The following KCNN2 variants were observed in gnomAD, a reference collection of about 807,000 sequenced individuals.
The protein encoded by KCNN2 is small conductance calcium-activated potassium channel protein 2.
In KCNN2, 24 loss-of-function variants were observed where a neutral mutation model predicts 55.5. The ratio of observed to expected loss-of-function variants is 0.43; its 90% CI spans 0.31 to 0.61. The LOEUF (loss-of-function observed/expected upper bound fraction) is 0.61. Among genes scored for constraint, KCNN2 ranks in the 20% least tolerant of loss-of-function variants. The pLI, the probability that KCNN2 is intolerant of heterozygous loss-of-function variation, is 0.08. For missense variants in KCNN2, 754 were observed against 853.6 expected (o/e 0.88, Z 1.45); for synonymous variants, 431 against 336.1 (o/e 1.28, Z -3.09).
At chr5:114,443,892 C>A (rs1158187689) in intron 3 of KCNN2, among the ~76,000 whole-genome samples, 2 of 152,180 alleles carry the variant, frequency 1.3e-5, no homozygotes, top group Non-Finnish European at 2.9e-5. Flanking sequence ...GAAGAAGTGT[C>A]AGGAAAGGTG....
At position 114,493,275 on chromosome 5, in the gene KCNN2, T is replaced by G. The variant is rs1747949572; in HGVS notation, c.2019-128T>G. On this transcript the variant is annotated intron_variant, in intron 6 of 7. Coordinates refer to ENST00000673685, the MANE Select transcript of KCNN2 (RefSeq NM_021614.4). ...ACCAGACACATAACCAGTTTGGACTTACCCCAAATGTTCAAGGCATTATCC... is the reference window on the plus strand; with the variant it reads ...ACCAGACACATAACCAGTTTGGACTGACCCCAAATGTTCAAGGCATTATCC... 4.0e-6 allele frequency: 3 copies of G among 746,954 alleles called. No individual in the cohort carries two copies. In the South Asian group the frequency reaches 4.3e-5, roughly 11 times the overall value. The allele number at this position is 746,954 out of a possible 1,614,324, so 46.3% of individuals were successfully genotyped here.
chr5:114,084,603 C>A (rs1414915638), intron 1 of KCNN2, among the ~76,000 whole-genome samples: 2 of 151,578 alleles, frequency 1.3e-5, no homozygotes, highest in African/African-American at 2.4e-5. Context: ...AATATTTTTC[C>A]CAATGTCACC....
Position 114,344,952 on chromosome 5 carries a change from C to G in KCNN2, c.-184-15993C>G, listed in dbSNP as rs553829079. On this transcript the variant is annotated intron_variant, in intron 2 of 10. Transcript: ENST00000512097. Reference sequence around the variant, plus strand: ...AATACATATGCACTTATATTTTGACCTAGAAATACCCCTGCTAGGATTTTG... The same window carrying G: ...AATACATATGCACTTATATTTTGACGTAGAAATACCCCTGCTAGGATTTTG... Among the ~76,000 whole-genome samples, 156 of 152,244 alleles carry G rather than the reference C, an allele frequency of 1.0e-3. 1 individual carries two copies. Among genetic ancestry groups the G allele is most frequent in the Non-Finnish European group, 1.9e-3 (127 of 68,010 alleles).
At chr5:114,455,190 CTG>C (rs1760865449) in intron 3 of KCNN2, among the ~76,000 whole-genome samples, 3 of 152,146 alleles carry the variant, frequency 2.0e-5, no homozygotes, top group Non-Finnish European at 4.4e-5. Context: ...AACTGAAGGA[CTG>C]TGTCAGTGCT....
At chr5:114,256,940 G>C (rs1306038028) in intron 2 of KCNN2, among the ~76,000 whole-genome samples, 1 of 152,002 alleles carries the variant, frequency 6.6e-6, no homozygotes, top group Non-Finnish European at 1.5e-5. Flanking sequence ...CTTTTCCTAG[G>C]ACAATGTCCC....
At chr5:114,363,802 T>G in intron 1 of KCNN2, 104 bp from the exon 2 acceptor site, 2 of 768,774 alleles carry the variant, frequency 2.6e-6, no homozygotes, top group Non-Finnish European at 4.5e-6. Flanking sequence ...ATCTTCCTTC[T>G]GTGAGTTCAG....
intron 2 of KCNN2, among the ~76,000 whole-genome samples, chr5:114,258,700 C>T (rs1307897669): frequency 6.6e-6 from 1 of 152,174 alleles, no homozygotes; most frequent in Admixed American, 6.5e-5. Context: ...GTCATGCCCT[C>T]ATCGTGGTGC....
intron 2 of KCNN2, among the ~76,000 whole-genome samples, chr5:114,267,246 C>A (rs201132378): frequency 1.3e-5 from 2 of 152,162 alleles, no homozygotes. Context: ...ACCCACCCCT[C>A]GGCCTCCCAA....
chr5:114,438,158 G>A (rs1363710076), intron 3 of KCNN2, among the ~76,000 whole-genome samples: 1 of 152,164 alleles, frequency 6.6e-6, no homozygotes, highest in Non-Finnish European at 1.5e-5. Flanking sequence ...TGTGGTCTGG[G>A]TGTGACATTT....
chr5:114,258,965 A>G (rs1755042652), intron 2 of KCNN2, among the ~76,000 whole-genome samples: 1 of 152,116 alleles, frequency 6.6e-6, no homozygotes, highest in African/African-American at 2.4e-5. Context: ...GCTGCCCCTT[A>G]AAGCGCTAGA....
chr5:114,072,437 G>T (rs1216447964), intron 1 of KCNN2, among the ~76,000 whole-genome samples: 1 of 152,114 alleles, frequency 6.6e-6, no homozygotes, highest in African/African-American at 2.4e-5. Flanking sequence ...CTATGCATTA[G>T]CTATGCATAA....
At chr5:114,441,120 C>T (rs1017398654) in intron 3 of KCNN2, among the ~76,000 whole-genome samples, 1 of 152,044 alleles carries the variant, frequency 6.6e-6, no homozygotes, top group African/African-American at 2.4e-5. Flanking sequence ...ATGTAAACTG[C>T]AATTCACTGC....
chr5:114,297,561 G>A (rs1756054229), intron 2 of KCNN2, among the ~76,000 whole-genome samples: 1 of 151,952 alleles, frequency 6.6e-6, no homozygotes, highest in African/African-American at 2.4e-5. Context: ...TAACTCAAGG[G>A]CTTTAAAATA....
intron 2 of KCNN2, among the ~76,000 whole-genome samples, chr5:114,259,836 C>T (rs897692319): frequency 6.6e-6 from 1 of 152,160 alleles, no homozygotes; most frequent in African/African-American, 2.4e-5. Context: ...GAGGTCTTCA[C>T]TAGGTTCCAG....
chr5:114,382,594 G>A (rs1758156834), intron 2 of KCNN2, among the ~76,000 whole-genome samples: 2 of 152,202 alleles, frequency 1.3e-5, no homozygotes, highest in Admixed American at 6.5e-5. Context: ...CTTTCTGTGG[G>A]TGTTGGAGAC....
intron 3 of KCNN2, among the ~76,000 whole-genome samples, chr5:114,451,448 C>T (rs928170659): frequency 1.3e-5 from 2 of 152,006 alleles, no homozygotes; most frequent in African/African-American, 2.4e-5. Flanking sequence ...CGCACACACA[C>T]ACAGGGAGAG....
intron 1 of KCNN2, among the ~76,000 whole-genome samples, chr5:114,098,619 T>C (rs1335199942): frequency 6.6e-6 from 1 of 150,750 alleles, no homozygotes; most frequent in Non-Finnish European, 1.5e-5. Flanking sequence ...CCCCCAACCA[T>C]GTCCGTGAAA....
intron 2 of KCNN2, among the ~76,000 whole-genome samples, chr5:114,280,280 G>A (rs145333654): frequency 1.5e-3 from 234 of 152,266 alleles, no homozygotes; most frequent in African/African-American, 5.1e-3. Flanking sequence ...AGTTCCTTTT[G>A]CTGTGCAGAA....
At chr5:114,218,298 G>A (rs1754050755) in intron 1 of KCNN2, among the ~76,000 whole-genome samples, 1 of 152,188 alleles carries the variant, frequency 6.6e-6, no homozygotes, top group South Asian at 2.1e-4. Flanking sequence ...GTTTATAGCA[G>A]CTTTATTCGT....
Sources: gnomAD v4.1 joint callset for allele counts (sites outside exome capture counted in the v4.1 genomes callset) on GRCh38, gnomAD v4.1.1 for gene constraint, MANE v1.5 for transcripts, NCBI Gene and HGNC (gene_info 2026-07-23, HGNC 2026-07-21) for gene names.